HSPA4: variants seen among roughly 807,000 people sequenced by gnomAD.
The protein encoded by HSPA4 is heat shock protein family A (Hsp70) member 4, also known as heat shock 70 kDa protein 4.
In HSPA4, 25 loss-of-function variants were observed where a neutral mutation model predicts 106.2. The observed-to-expected ratio is 0.24, with a 90% CI of 0.17 to 0.33. The LOEUF (loss-of-function observed/expected upper bound fraction) is 0.33, where lower values mean the gene tolerates loss of function less well. Among genes scored for constraint, HSPA4 ranks in the 10% least tolerant of loss-of-function variants. HSPA4 has a pLI of 1.00. For synonymous variants in HSPA4, 332 were observed against 333.6 expected (o/e 1.00, Z 0.05); for missense variants, 841 against 996.0 (o/e 0.84, Z 2.10).
intron 13 of HSPA4, among the ~76,000 whole-genome samples, chr5:133,093,514 G>A (rs1221907187): frequency 6.6e-6 from 1 of 151,792 alleles, no homozygotes; most frequent in African/African-American, 2.4e-5. Flanking sequence ...TTTTTGAGAT[G>A]GACTCTAGCT....
chr5:133,060,278 GTTAATCTTTTTGAGTATTCATATCAT>G, intron 1 of HSPA4, among the ~76,000 whole-genome samples: 1 of 151,992 alleles, frequency 6.6e-6, no homozygotes, highest in South Asian at 2.1e-4. Context: ...TAATATTCAA[GTTAATCTTTTTGAGTATTCATATCAT>G]TTAAATATTA....
chr5:133,102,157 C>T (rs956574412), intron 17 of HSPA4, among the ~76,000 whole-genome samples: 1 of 152,106 alleles, frequency 6.6e-6, no homozygotes, highest in African/African-American at 2.4e-5. Context: ...GAACTCCTGA[C>T]CTCAAGTGAT....
intron 1 of HSPA4, among the ~76,000 whole-genome samples, chr5:133,062,416 G>T (rs1765255750): frequency 6.6e-6 from 1 of 152,174 alleles, no homozygotes; most frequent in African/African-American, 2.4e-5. Flanking sequence ...TTTAGATCTG[G>T]TGGTATTTAG....
intron 1 of HSPA4, among the ~76,000 whole-genome samples, chr5:133,058,310 G>A (rs929154838): frequency 1.3e-5 from 2 of 152,052 alleles, no homozygotes; most frequent in Non-Finnish European, 2.9e-5. Flanking sequence ...TGAGGTTAGT[G>A]ATCAAGGCTG....
chr5:133,099,708 G>A, intron 16 of HSPA4, 56 bp downstream of exon 16: 1 of 846,916 alleles, frequency 1.2e-6, no homozygotes, highest in South Asian at 1.7e-5. Context: ...CTTCCTCTGA[G>A]GAGCTCAAAT....
rs1765846088 is a variant in HSPA4, at chr5:133,105,547, A to G, written c.*1111A>G. The G allele has an allele frequency of 6.6e-6, 1 of 152,220 alleles. No homozygotes were observed. Among genetic ancestry groups the G allele is most frequent in the South Asian group, 2.1e-4 (1 of 4,836 alleles). 9.4% of individuals were successfully genotyped at this position (152,220 alleles called of 1,614,324 possible). ...CTGTGTGGCCAATGTCAGGTATACC[A>G]AAGCATTCCTCTGACTGCTTTTTGG... On this transcript the variant is annotated 3_prime_UTR_variant, in exon 19 of 19. Coordinates refer to ENST00000304858, the MANE Select transcript of HSPA4 (RefSeq NM_002154.4).
intron 16 of HSPA4, among the ~76,000 whole-genome samples, chr5:133,100,054 TATTTATTTATTC>T (rs1765765314): frequency 6.6e-6 from 1 of 151,890 alleles, no homozygotes; most frequent in Non-Finnish European, 1.5e-5. Context: ...ATTTATTTAT[TATTTATTTATTC>T]ATTTATTTAT....
chr5:133,078,736 T>C (rs1160016943), intron 7 of HSPA4, among the ~76,000 whole-genome samples: 2 of 145,294 alleles, frequency 1.4e-5, no homozygotes, highest in East Asian at 3.9e-4. Context: ...GTGATTATTG[T>C]TGTTGTTATT....
Position 133,097,175 on chromosome 5 carries a change from G to A in HSPA4, c.1818G>A (p.Met606Ile). The A allele has an allele frequency of 1.2e-6, 2 of 1,610,736 alleles. No homozygotes were observed. The highest frequency in any genetic ancestry group is 1.7e-6 in the Non-Finnish European group (2 of 1,177,236). ...LYIENEGKMI[M>I]QDKLEKERND... ...TTTATTCTCAGGGTAAGATGATCAT[G>A]CAGGATAAACTGGAGAAGGAGCGGA... The change falls in exon 15 of 19, where the codon ATG (methionine) becomes ATA (isoleucine). Residue 606 changes from methionine (M) to isoleucine (I), a missense_variant. Physicochemically the swap from Met to Ile is conservative, Grantham distance 10 (BLOSUM62 1). Coordinates refer to ENST00000304858, the MANE Select transcript of HSPA4 (RefSeq NM_002154.4).
intron 6 of HSPA4, among the ~76,000 whole-genome samples, chr5:133,075,838 G>GA (rs889636503): frequency 4.7e-5 from 7 of 148,312 alleles, no homozygotes; most frequent in South Asian, 4.2e-4. Flanking sequence ...TCAAAAAAAA[G>GA]AAAAAAAAAT....
chr5:133,057,483 C>G (rs1369310286), intron 1 of HSPA4, among the ~76,000 whole-genome samples: 4 of 152,042 alleles, frequency 2.6e-5, no homozygotes, highest in Non-Finnish European at 5.9e-5. Flanking sequence ...CTCAGCCTCC[C>G]GAATAGCTGG....
chr5:133,066,874 C>T (rs1765313660), intron 2 of HSPA4, among the ~76,000 whole-genome samples: 1 of 151,844 alleles, frequency 6.6e-6, no homozygotes, highest in Non-Finnish European at 1.5e-5. Flanking sequence ...ACCACCATGC[C>T]TGGCTAATTT....
intron 7 of HSPA4, 110 bp from the exon 8 acceptor site, chr5:133,086,672 A>G (rs980397251): frequency 1.4e-5 from 10 of 726,020 alleles, no homozygotes; most frequent in Non-Finnish European, 2.4e-5. Flanking sequence ...CTGTCTCCAC[A>G]TTTTGCCAGC....
Position 133,101,820 on chromosome 5 carries a change from A to C in HSPA4, c.2099A>C (p.Glu700Ala). Residue 700 changes from glutamate (E) to alanine (A), a missense_variant, in exon 17 of 19, where the codon GAA (glutamate) becomes GCA (alanine). Coordinates refer to ENST00000304858, the MANE Select transcript of HSPA4 (RefSeq NM_002154.4). ...TCTGAAGAACGACCAAAATTATTTG[A>C]AGAACTAGGGAAACAGATCCAACAG... ...QESEERPKLF[E>A]ELGKQIQQYM... 7.5e-6 allele frequency: 12 copies of C among 1,606,156 alleles called. No individual in the cohort carries two copies. The highest frequency in any genetic ancestry group is 9.4e-6 in the Non-Finnish European group (11 of 1,174,196).
chr5:133,097,260 G>A lies in HSPA4; in HGVS notation c.1903G>A (p.Glu635Lys). 6.2e-7 allele frequency: 1 copy of A among 1,612,886 alleles called. No individual in the cohort carries two copies. The highest frequency in any genetic ancestry group is 8.5e-7 in the Non-Finnish European group (1 of 1,179,112). The change falls in exon 15 of 19, where the codon GAA becomes AAA. Residue 635 changes from glutamate (E) to lysine (K), a missense_variant. Glu to Lys is a moderately conservative substitution (Grantham distance 56). Coordinates refer to ENST00000304858, the MANE Select transcript of HSPA4 (RefSeq NM_002154.4). ...TGAAATGAGAGACAAGCTTAGTGGT[G>A]AATATGAGAAGTTTGTGAGTGAAGA... The part of the protein sequence containing the change: ...VYEMRDKLSG[E>K]YEKFVSEDDR...
In HSPA4 at chr5:133,086,771, G is replaced by GT; in HGVS notation, c.909-5dup. 6.3e-7 allele frequency: 1 copy of GT among 1,597,620 alleles called. No individual in the cohort carries two copies. The highest frequency in any genetic ancestry group is 8.6e-7 in the Non-Finnish European group (1 of 1,166,104). Reference sequence around the variant, plus strand: ...TGTACTGTGTTTTTTGTTTTGTTTTGTTTTTTATAGAGGCAAATTTCTGGA... The same window carrying GT: ...TGTACTGTGTTTTTTGTTTTGTTTTGTTTTTTTATAGAGGCAAATTTCTGGA... On this transcript the variant is annotated splice_polypyrimidine_tract_variant and intron_variant, in intron 7 of 18. Transcript: ENST00000304858.
intron 12 of HSPA4, 87 bp downstream of exon 12, chr5:133,091,461 A>G: frequency 1.0e-6 from 1 of 1,004,524 alleles, no homozygotes; most frequent in South Asian, 1.6e-5. Flanking sequence ...GCAAGGCCGG[A>G]GCATTGTGAC....
intron 6 of HSPA4, among the ~76,000 whole-genome samples, chr5:133,074,728 T>C (rs902695511): frequency 2.6e-5 from 4 of 152,200 alleles, no homozygotes; most frequent in Middle Eastern, 3.2e-3. Flanking sequence ...CTAGGAATTA[T>C]AGATTTCTAG....
At chr5:133,102,157 C>G (rs956574412) in intron 17 of HSPA4, among the ~76,000 whole-genome samples, 1 of 152,106 alleles carries the variant, frequency 6.6e-6, no homozygotes, top group Non-Finnish European at 1.5e-5. Flanking sequence ...GAACTCCTGA[C>G]CTCAAGTGAT....
Sources: gnomAD v4.1 joint callset for allele counts (sites outside exome capture counted in the v4.1 genomes callset) on GRCh38, gnomAD v4.1.1 for gene constraint, MANE v1.5 for transcripts, NCBI Gene and HGNC (gene_info 2026-07-23, HGNC 2026-07-21) for gene names.